SLC2A13: variants seen among roughly 807,000 people sequenced by gnomAD.
SLC2A13 encodes the protein proton myo-inositol cotransporter.
SLC2A13 carries 32 observed loss-of-function variants against 64.4 expected under a neutral mutation model. That is an observed-to-expected ratio of 0.50 (90% CI 0.37 to 0.67). The LOEUF (loss-of-function observed/expected upper bound fraction) is 0.67, where lower values mean the gene tolerates loss of function less well. SLC2A13 is among the 30% of genes least tolerant of loss of function. SLC2A13 has a pLI of 0.00. For synonymous variants in SLC2A13, 338 were observed against 327.1 expected (o/e 1.03, Z -0.36); for missense variants, 743 against 829.2 (o/e 0.90, Z 1.28).
At chr12:39,914,995 G>A (rs1019488197) in intron 4 of SLC2A13, among the ~76,000 whole-genome samples, 1 of 151,686 alleles carries the variant, frequency 6.6e-6, no homozygotes, top group Non-Finnish European at 1.5e-5. Context: ...TTAGTTTCAG[G>A]AACAAAAGAC....
chr12:39,866,485 G>T (rs373196339), intron 5 of SLC2A13, among the ~76,000 whole-genome samples: 2 of 152,162 alleles, frequency 1.3e-5, no homozygotes, highest in East Asian at 1.9e-4. Flanking sequence ...GTATTTGAAA[G>T]ATTTTTTTTT....
At chr12:40,042,055 G>A (rs1460437889) in intron 2 of SLC2A13, among the ~76,000 whole-genome samples, 1 of 152,178 alleles carries the variant, frequency 6.6e-6, no homozygotes, top group Non-Finnish European at 1.5e-5. Context: ...CATTGTGCAT[G>A]AGTCAGCCTC....
At chr12:39,837,533 T>C (rs1943045681) in intron 6 of SLC2A13, among the ~76,000 whole-genome samples, 1 of 141,940 alleles carries the variant, frequency 7.0e-6, no homozygotes, top group South Asian at 2.5e-4. Flanking sequence ...CAAAAGAAAC[T>C]ACCATCAGAG....
chr12:39,779,538 A>G (rs1444810543), intron 7 of SLC2A13, among the ~76,000 whole-genome samples: 2 of 152,242 alleles, frequency 1.3e-5, no homozygotes, highest in Non-Finnish European at 2.9e-5. Context: ...CACATAGTCA[A>G]TAGCTCAATA....
chr12:40,090,301 T>G (rs1938721790), intron 1 of SLC2A13, among the ~76,000 whole-genome samples: 1 of 152,204 alleles, frequency 6.6e-6, no homozygotes, highest in Non-Finnish European at 1.5e-5. Context: ...AAACTAGTCA[T>G]GTTTATTCAT....
intron 7 of SLC2A13, among the ~76,000 whole-genome samples, chr12:39,810,532 G>A (rs1408560443): frequency 1.3e-5 from 2 of 152,092 alleles, no homozygotes; most frequent in East Asian, 3.8e-4. Flanking sequence ...GTAGTGTTAA[G>A]AGTAGACATT....
rs542661683 is a variant in SLC2A13 at position 39,910,505 on chromosome 12, A to G, written c.1035-38544T>C. Among the ~76,000 whole-genome samples the G allele has an allele frequency of 1.3e-3, 199 of 152,176 alleles. 1 individual carries two copies. Among genetic ancestry groups the G allele is most frequent in the Non-Finnish European group, 1.0e-3 (70 of 68,018 alleles). On this transcript the variant is annotated intron_variant, in intron 4 of 9. Transcript: ENST00000280871. Reference sequence around the variant, plus strand: ...CATTGCCTGGCTTTAATATATGAATACATTTGGAATACTAATGGGCTTGCC... The same window carrying G: ...CATTGCCTGGCTTTAATATATGAATGCATTTGGAATACTAATGGGCTTGCC...
rs79519820 is a variant in SLC2A13 at position 39,758,568 on chromosome 12, T to C, written c.*1458A>G. The C allele has an allele frequency of 0.13, 20,351 of 151,948 alleles. 1,639 individuals are homozygous for C. The highest frequency in any genetic ancestry group is 0.39 in the East Asian group (2,047 of 5,272). The allele number at this position is 151,948 out of a possible 1,614,324, so 9.4% of individuals were successfully genotyped here. On this transcript the variant is annotated 3_prime_UTR_variant, in exon 10 of 10. Coordinates refer to ENST00000280871, the MANE Select transcript of SLC2A13 (RefSeq NM_052885.4). ...TGATCAAGTAATTTTGTACATACTA[T>C]ATAGTTCTTAATAGAAAAGCAAAAA...
intron 6 of SLC2A13, among the ~76,000 whole-genome samples, chr12:39,834,717 TG>T (rs1464856400): frequency 6.6e-6 from 1 of 152,074 alleles, no homozygotes; most frequent in African/African-American, 2.4e-5. Flanking sequence ...TATCTGCCTC[TG>T]TCTTCTGGAG....
At chr12:39,961,322 A>G (rs561417803) in intron 3 of SLC2A13, among the ~76,000 whole-genome samples, 1 of 151,972 alleles carries the variant, frequency 6.6e-6, no homozygotes, top group African/African-American at 2.4e-5. Context: ...CAAGTGATCT[A>G]CCTGCCTCAG....
At chr12:39,875,302 C>A (rs1355238994) in intron 4 of SLC2A13, among the ~76,000 whole-genome samples, 1 of 152,174 alleles carries the variant, frequency 6.6e-6, no homozygotes, top group African/African-American at 2.4e-5. Context: ...TGGCCCCCTT[C>A]CTCAGTCTTC....
At chr12:39,933,919 T>C (rs1374659240) in intron 4 of SLC2A13, among the ~76,000 whole-genome samples, 2 of 152,206 alleles carry the variant, frequency 1.3e-5, no homozygotes, top group African/African-American at 2.4e-5. Context: ...GTAGCACAAG[T>C]GGTCAGGAAA....
At chr12:40,079,755 A>G (rs1938323579) in intron 1 of SLC2A13, among the ~76,000 whole-genome samples, 1 of 152,230 alleles carries the variant, frequency 6.6e-6, no homozygotes, top group African/African-American at 2.4e-5. Context: ...GGTCTCTTAC[A>G]AACTTGTTTT....
chr12:40,041,104 C>A (rs1239239466), intron 2 of SLC2A13, among the ~76,000 whole-genome samples: 1 of 152,180 alleles, frequency 6.6e-6, no homozygotes, highest in African/African-American at 2.4e-5. Flanking sequence ...AGGCGCCCAC[C>A]ACCGCGCCCG....
intron 1 of SLC2A13, among the ~76,000 whole-genome samples, chr12:40,084,693 A>G (rs1223173000): frequency 1.3e-5 from 2 of 152,162 alleles, no homozygotes; most frequent in East Asian, 3.9e-4. Flanking sequence ...CATTTTGTAA[A>G]TGTATGAGAC....
intron 6 of SLC2A13, among the ~76,000 whole-genome samples, chr12:39,834,622 A>G (rs61931235): frequency 0.013 from 1,917 of 152,152 alleles, 19 homozygotes; most frequent in Non-Finnish European, 0.02. Context: ...GAGGTCAAGT[A>G]TCAAAAAGTG....
intron 2 of SLC2A13, among the ~76,000 whole-genome samples, chr12:40,043,845 C>G (rs1347937177): frequency 1.3e-5 from 2 of 152,096 alleles, no homozygotes; most frequent in African/African-American, 2.4e-5. Flanking sequence ...AGACAAATAA[C>G]AAGTGTTTAC....
At chr12:39,969,932 G>A (rs1244706540) in intron 3 of SLC2A13, among the ~76,000 whole-genome samples, 1 of 152,130 alleles carries the variant, frequency 6.6e-6, no homozygotes. Context: ...TATGGTTTTA[G>A]GTCTAACATG....
At chr12:39,921,614 T>A (rs190247275) in intron 4 of SLC2A13, among the ~76,000 whole-genome samples, 12 of 152,246 alleles carry the variant, frequency 7.9e-5, no homozygotes, top group Admixed American at 7.2e-4. Context: ...CATACCATAT[T>A]TTTATGTTCT....
Sources: gnomAD v4.1 joint callset for allele counts (sites outside exome capture counted in the v4.1 genomes callset) on GRCh38, gnomAD v4.1.1 for gene constraint, MANE v1.5 for transcripts, NCBI Gene and HGNC (gene_info 2026-07-23, HGNC 2026-07-21) for gene names.